CTNNA3: variants seen among roughly 807,000 people sequenced by gnomAD.
The protein encoded by CTNNA3 is catenin alpha 3, also known as catenin alpha-3.
A neutral mutation model predicts 95.7 loss-of-function variants in CTNNA3; 76 were observed. That is an observed-to-expected ratio of 0.79 (90% CI 0.66 to 0.96). CTNNA3 has a LOEUF of 0.96. CTNNA3 is among the 40% of genes least tolerant of loss of function. The probability of loss-of-function intolerance (pLI) is 0.00; values close to 1 mark genes in which losing one functional copy is unlikely to be tolerated. For synonymous variants in CTNNA3, 431 were observed against 374.4 expected, an observed-to-expected ratio of 1.15 and a Z score of -1.74; for missense variants, 1,191 against 1,089.8, an observed-to-expected ratio of 1.09 and a Z score of -1.31.
At chr10:67,577,418 GGA>G (rs1842200467) in intron 3 of CTNNA3, among the ~76,000 whole-genome samples, 1 of 152,010 alleles carries the variant, frequency 6.6e-6, no homozygotes. Flanking sequence ...TGTAGATTCT[GGA>G]TATTAGCCTT....
At chr10:66,754,452 A>G (rs750697054) in intron 9 of CTNNA3, among the ~76,000 whole-genome samples, 9 of 152,202 alleles carry the variant, frequency 5.9e-5, no homozygotes, top group Non-Finnish European at 1.3e-4. Context: ...AACTTGGATT[A>G]GGCAATGACT....
intron 7 of CTNNA3, among the ~76,000 whole-genome samples, chr10:66,840,892 A>G (rs1304050389): frequency 6.6e-6 from 1 of 152,176 alleles, no homozygotes; most frequent in Admixed American, 6.6e-5. Context: ...ACTATAGAGT[A>G]AATCAATTTC....
chr10:66,895,903 A>G (rs554247415), intron 7 of CTNNA3, among the ~76,000 whole-genome samples: 1 of 132,412 alleles, frequency 7.6e-6, no homozygotes, highest in East Asian at 2.3e-4. Context: ...CATGGAGAAA[A>G]CCTGTCTCTA....
At chr10:66,351,283 GAAGGTTATTACAAC>G (rs2092564797) in intron 12 of CTNNA3, among the ~76,000 whole-genome samples, 1 of 152,002 alleles carries the variant, frequency 6.6e-6, no homozygotes, top group East Asian at 1.9e-4. Context: ...TCAATATGTA[GAAGGTTATTACAAC>G]AACCCATGAG....
Position 67,176,077 on chromosome 10 carries a change from T to C in CTNNA3, c.1047+4240A>G, listed in dbSNP as rs536123435. ...GTTTTAAAAGACAAAAGCTATATTT[T>C]TTCTGATCCTAAATGTTTCCTGGAG... On this transcript the variant is annotated intron_variant, in intron 7 of 17. Coordinates refer to ENST00000433211, the MANE Select transcript of CTNNA3 (RefSeq NM_013266.4). Among the ~76,000 whole-genome samples the C allele has an allele frequency of 2.6e-5, 4 of 152,290 alleles. No individual in the cohort carries two copies. In the East Asian group the frequency reaches 7.7e-4, roughly 29 times the overall value.
intron 9 of CTNNA3, among the ~76,000 whole-genome samples, chr10:66,646,848 C>T (rs565687714): frequency 1.3e-5 from 2 of 152,082 alleles, no homozygotes; most frequent in Non-Finnish European, 2.9e-5. Flanking sequence ...AGTGGAAACT[C>T]TGAACAAAAT....
intron 9 of CTNNA3, among the ~76,000 whole-genome samples, chr10:66,629,908 T>C (rs1231069819): frequency 6.6e-6 from 1 of 152,094 alleles, no homozygotes; most frequent in African/African-American, 2.4e-5. Context: ...CCTTGGAAAG[T>C]TTTTCACCAA....
At chr10:66,334,304 T>C (rs952509160) in intron 12 of CTNNA3, among the ~76,000 whole-genome samples, 1 of 152,000 alleles carries the variant, frequency 6.6e-6, no homozygotes, top group African/African-American at 2.4e-5. Context: ...CGTTAGTTGA[T>C]GTAGTTTCTT....
intron 10 of CTNNA3, among the ~76,000 whole-genome samples, chr10:66,594,018 T>C (rs2132236401): frequency 6.6e-6 from 1 of 152,270 alleles, no homozygotes; most frequent in Non-Finnish European, 1.5e-5. Flanking sequence ...TTCTCTGAAC[T>C]TCAAAGTAGA....
chr10:66,492,112 C>T (rs961282243), intron 11 of CTNNA3, among the ~76,000 whole-genome samples: 4 of 152,126 alleles, frequency 2.6e-5, no homozygotes, highest in African/African-American at 9.7e-5. Flanking sequence ...CCATTTCCTA[C>T]TTTTCTCAAT....
intron 5 of CTNNA3, among the ~76,000 whole-genome samples, chr10:67,445,993 A>T (rs1031359316): frequency 3.9e-5 from 6 of 152,162 alleles, no homozygotes; most frequent in African/African-American, 1.4e-4. Flanking sequence ...GGGACATACC[A>T]GTTGACACAC....
chr10:66,201,327 C>T (rs1421837744), intron 13 of CTNNA3, among the ~76,000 whole-genome samples: 2 of 152,116 alleles, frequency 1.3e-5, no homozygotes, highest in East Asian at 3.9e-4. Context: ...AATAGTTGAT[C>T]CTGAATCTTT....
At chr10:66,717,703 C>T (rs1178394698) in intron 9 of CTNNA3, among the ~76,000 whole-genome samples, 1 of 152,124 alleles carries the variant, frequency 6.6e-6, no homozygotes, top group East Asian at 1.9e-4. Context: ...CCAGCTTTGC[C>T]AAGCTCCCAG....
intron 1 of CTNNA3, among the ~76,000 whole-genome samples, chr10:67,660,643 C>A (rs1369438226): frequency 6.6e-6 from 1 of 151,996 alleles, no homozygotes; most frequent in Admixed American, 6.6e-5. Flanking sequence ...AAGAGAAATG[C>A]GAATTAAGTC....
Position 66,368,155 on chromosome 10 carries a change from G to A in CTNNA3, c.1732+10997C>T, listed in dbSNP as rs544391590. Among the ~76,000 whole-genome samples, 4 of 151,922 alleles carry A rather than the reference G, an allele frequency of 2.6e-5. No individual in the cohort carries two copies. In the South Asian group the frequency reaches 8.3e-4, roughly 32 times the overall value. On this transcript the variant is annotated intron_variant, in intron 12 of 17. Coordinates refer to ENST00000433211, the MANE Select transcript of CTNNA3 (RefSeq NM_013266.4). ...ACAAGTTACATTTCTGAGTTCTTAT[G>A]CACACAAAAAGGTTTTTATTTGACC...
At chr10:66,544,262 C>T (rs1029522285) in intron 10 of CTNNA3, among the ~76,000 whole-genome samples, 1 of 151,946 alleles carries the variant, frequency 6.6e-6, no homozygotes, top group East Asian at 1.9e-4. Context: ...ACCATGCAGC[C>T]TATTAACCTA....
intron 7 of CTNNA3, among the ~76,000 whole-genome samples, chr10:67,127,652 G>A (rs546621318): frequency 6.6e-6 from 1 of 152,108 alleles, no homozygotes; most frequent in Non-Finnish European, 1.5e-5. Flanking sequence ...AAATAACATT[G>A]TGTGGGAAGT....
intron 3 of CTNNA3, among the ~76,000 whole-genome samples, chr10:67,540,916 A>G (rs1446710044): frequency 6.6e-6 from 1 of 151,860 alleles, no homozygotes; most frequent in African/African-American, 2.4e-5. Flanking sequence ...TAGTATCTCA[A>G]TCAAGTCACT....
chr10:66,845,729 A>AAAAAAAAAAAAAAAAAC (rs1297933220), intron 7 of CTNNA3, among the ~76,000 whole-genome samples: 1 of 87,736 alleles, frequency 1.1e-5, no homozygotes, highest in Non-Finnish European at 2.6e-5. Flanking sequence ...AAAAAAAAAA[A>AAAAAAAAAAAAAAAAAC]CTAAAAAGGT....
Sources: gnomAD v4.1 joint callset for allele counts (sites outside exome capture counted in the v4.1 genomes callset) on GRCh38, gnomAD v4.1.1 for gene constraint, MANE v1.5 for transcripts, NCBI Gene and HGNC (gene_info 2026-07-23, HGNC 2026-07-21) for gene names.